The following UGGT1 variants were observed in gnomAD, a reference collection of about 807,000 sequenced individuals.
UGGT1 encodes the protein UDP-glucose:glycoprotein glucosyltransferase 1.
UGGT1 carries 107 observed loss-of-function variants against 203.9 expected under a neutral mutation model. The ratio of observed to expected loss-of-function variants is 0.52; its 90% CI spans 0.45 to 0.62. The LOEUF is 0.62. Ranked by LOEUF, UGGT1 falls within the 20% of genes least tolerant of loss-of-function variation. The pLI is 0.00. For synonymous variants in UGGT1, 628 were observed against 653.5 expected, an observed-to-expected ratio of 0.96 and a Z score of 0.59; for missense variants, 1,673 against 1,867.2, an observed-to-expected ratio of 0.90 and a Z score of 1.92.
At chr2:128,177,088 A>G (rs1338803972) in intron 32 of UGGT1, among the ~76,000 whole-genome samples, 190 bp downstream of exon 32, 1 of 152,146 alleles carries the variant, frequency 6.6e-6, no homozygotes, top group African/African-American at 2.4e-5. Context: ...CCTTTTGGGT[A>G]ATCTCGGTGT....
chr2:128,112,075 T>A (rs1161694962), intron 5 of UGGT1, among the ~76,000 whole-genome samples: 1 of 151,582 alleles, frequency 6.6e-6, no homozygotes, highest in Admixed American at 6.6e-5. Context: ...CACGCGACTG[T>A]GCTCTAGCCT....
chr2:128,120,533 T>A, intron 9 of UGGT1, 77 bp downstream of exon 9: 2 of 1,138,004 alleles, frequency 1.8e-6, no homozygotes, highest in Non-Finnish European at 2.6e-6. Flanking sequence ...AAATTTGAAT[T>A]TAATTGTATG....
chr2:128,148,339 A>G (rs765198740), intron 18 of UGGT1, among the ~76,000 whole-genome samples: 18 of 152,070 alleles, frequency 1.2e-4, no homozygotes, highest in Non-Finnish European at 1.5e-4. Flanking sequence ...CGGCCTTCCA[A>G]AGTGCTGTGA....
intron 12 of UGGT1, 64 bp downstream of exon 12, chr2:128,127,516 C>T: frequency 1.6e-6 from 2 of 1,228,072 alleles, no homozygotes; most frequent in South Asian, 2.6e-5. Flanking sequence ...GTAACATGTT[C>T]ATATTGCCGT....
chr2:128,159,115 A>T (rs13396668), intron 22 of UGGT1, among the ~76,000 whole-genome samples: 4,986 of 45,332 alleles, frequency 0.11, 372 homozygotes, highest in African/African-American at 0.19. Flanking sequence ...TTTTTTTTTT[A>T]ATGAGACGGA....
intron 13 of UGGT1, 101 bp downstream of exon 13, chr2:128,129,280 C>T: frequency 2.2e-6 from 3 of 1,342,878 alleles, no homozygotes; most frequent in South Asian, 1.6e-5. Flanking sequence ...CCCACCATCT[C>T]TTTTGTTGGT....
chr2:128,108,128 A>G (rs1013076718), intron 4 of UGGT1, 60 bp downstream of exon 4: 6 of 1,565,662 alleles, frequency 3.8e-6, no homozygotes, highest in Middle Eastern at 1.7e-4. Context: ...GAATGGATGG[A>G]CCCCAGTTGT....
In UGGT1 at chr2:128,115,128, C is replaced by A; in HGVS notation, c.701C>A (p.Pro234His). The A allele has an allele frequency of 6.2e-7, 1 of 1,613,746 alleles. No individual in the cohort carries two copies. Among genetic ancestry groups the A allele is most frequent in the South Asian group, 1.1e-5 (1 of 91,054 alleles). ...GAATTCTTGCTTTACTTGCAGAATC[C>A]CAGGAAGGAGCCTGTTTACCTCTCT... Reference protein sequence around the residue: ...NYVFRHYIFNPRKEPVYLSGY... With the variant: ...NYVFRHYIFNHRKEPVYLSGY... The change falls in exon 7 of 41, where the codon CCC (proline) becomes CAC (histidine). Residue 234 changes from proline (P) to histidine (H), a missense_variant. Around this residue, in one of 4 missense-constraint regions of UGGT1, gnomAD observed 1,073 missense variants for 1,078.7 expected, o/e 0.99. Transcript: ENST00000259253.
intron 8 of UGGT1, among the ~76,000 whole-genome samples, chr2:128,117,985 TGTGTGTGTGAGAGAGA>T (rs767209458): frequency 6.2e-5 from 9 of 144,550 alleles, no homozygotes; most frequent in South Asian, 4.3e-4. Flanking sequence ...TGTCTGTGTG[TGTGTGTGTGAGAGAGA>T]GAGAGAGAGA....
chr2:128,091,757 T>C (rs962591993), intron 1 of UGGT1, among the ~76,000 whole-genome samples: 1 of 152,224 alleles, frequency 6.6e-6, no homozygotes, highest in Non-Finnish European at 1.5e-5. Context: ...AGCAGCACTT[T>C]GCAGGACCCT....
At chr2:128,145,578 T>C (rs1170272308) in intron 17 of UGGT1, 1 of 448,498 alleles carries the variant, frequency 2.2e-6, no homozygotes, top group Non-Finnish European at 3.9e-6. Context: ...GCTTTTGTGG[T>C]CTTGTAAAAA....
chr2:128,140,793 C>T (rs1689383106), intron 16 of UGGT1, among the ~76,000 whole-genome samples: 1 of 152,182 alleles, frequency 6.6e-6, no homozygotes, highest in South Asian at 2.1e-4. Flanking sequence ...CCTCCTGCCT[C>T]AGCTTCCTGG....
Position 128,159,494 on chromosome 2 carries a change from G to T in UGGT1, c.2356-20G>T. The stretch of plus-strand genomic sequence containing the variant: ...CAAAAATATCTACAATATGACTCCC[G>T]TTTCCCATTTTGTGAACAGAAATCC... On this transcript the variant is annotated intron_variant, in intron 22 of 40. Transcript: ENST00000259253. 6.2e-7 allele frequency: 1 copy of T among 1,609,490 alleles called. No homozygotes were observed. The highest frequency in any genetic ancestry group is 8.5e-7 in the Non-Finnish European group (1 of 1,175,976).
intron 25 of UGGT1, among the ~76,000 whole-genome samples, 173 bp from the exon 26 acceptor site, chr2:128,164,557 C>G (rs1690688176): frequency 6.6e-6 from 1 of 152,182 alleles, no homozygotes. Context: ...AAGTGAGTAA[C>G]TTCTCCAAGG....
chr2:128,156,307 T>C, intron 20 of UGGT1, 85 bp from the exon 21 acceptor site: 2 of 1,030,184 alleles, frequency 1.9e-6, no homozygotes, highest in Non-Finnish European at 3.0e-6. Context: ...GTGTTAGCCA[T>C]TGTTTAGACT....
chr2:128,154,060 T>TATAC (rs147214333), intron 19 of UGGT1, among the ~76,000 whole-genome samples: 87 of 149,792 alleles, frequency 5.8e-4, no homozygotes, highest in Non-Finnish European at 8.9e-4. Flanking sequence ...CATGTATATA[T>TATAC]ACACACACAC....
chr2:128,128,602 G>C (rs62157734), intron 12 of UGGT1, among the ~76,000 whole-genome samples: 15 of 152,136 alleles, frequency 9.9e-5, no homozygotes, highest in Non-Finnish European at 2.2e-4. Context: ...ATGAGCCACC[G>C]CGCCCAGCCC....
chr2:128,166,961 A>T (rs1416056762), intron 26 of UGGT1, among the ~76,000 whole-genome samples: 1 of 152,082 alleles, frequency 6.6e-6, no homozygotes, highest in Non-Finnish European at 1.5e-5. Context: ...AGATCATTTG[A>T]TGATTGTAGG....
chr2:128,126,684 C>CTTTTTTT (rs61353741), intron 11 of UGGT1, among the ~76,000 whole-genome samples: 5 of 119,722 alleles, frequency 4.2e-5, no homozygotes, highest in Admixed American at 9.8e-5. Flanking sequence ...CAGGGTCAGT[C>CTTTTTTT]TTTTTTTTTT....
Sources: allele counts gnomAD v4.1 joint callset (sites outside exome capture counted in the v4.1 genomes callset), GRCh38; gene constraint gnomAD v4.1.1; regional missense constraint gnomAD v4.1.1; transcripts MANE v1.5; gene names NCBI Gene and HGNC (gene_info 2026-07-23, HGNC 2026-07-21).